SPDYE10: variants seen among roughly 807,000 people sequenced by gnomAD.
SPDYE10 encodes speedy protein E10.
At chr7:73,126,506 CAAAAAA>C in the SPDYE10 span, among the ~76,000 whole-genome samples, 2 of 47,912 alleles carry the variant, frequency 4.2e-5, no homozygotes, top group African/African-American at 1.9e-4. Context: ...GACTCCATCT[CAAAAAA>C]AAAAAAAAAA....
the SPDYE10 span, among the ~76,000 whole-genome samples, chr7:73,145,431 T>C: frequency 6.9e-6 from 1 of 143,924 alleles, no homozygotes; most frequent in Non-Finnish European, 1.5e-5. Context: ...AAAAAAATGT[T>C]TTAAGACAGG....
At chr7:73,145,096 C>T in the SPDYE10 span, among the ~76,000 whole-genome samples, 1 of 139,714 alleles carries the variant, frequency 7.2e-6, no homozygotes, top group Admixed American at 7.0e-5. Context: ...TTCTTTCTTT[C>T]TTTCTTTCCT....
the SPDYE10 span, among the ~76,000 whole-genome samples, chr7:73,123,428 A>G: frequency 6.6e-6 from 1 of 152,180 alleles, no homozygotes; most frequent in African/African-American, 2.4e-5. Flanking sequence ...CCACACTGGT[A>G]ACTGGTAACT....
the SPDYE10 span, among the ~76,000 whole-genome samples, chr7:73,145,101 TTTCC>T: frequency 7.0e-6 from 1 of 142,826 alleles, no homozygotes; most frequent in Non-Finnish European, 1.5e-5. Context: ...TCTTTCTTTC[TTTCC>T]TCTTTCTTTC....
At chr7:73,147,878 C>T in the SPDYE10 span, among the ~76,000 whole-genome samples, 2 of 151,268 alleles carry the variant, frequency 1.3e-5, no homozygotes, top group Admixed American at 6.6e-5. Flanking sequence ...ATGATCTTGG[C>T]TCACTGCCAC....
chr7:73,154,468 C>A, the SPDYE10 span, among the ~76,000 whole-genome samples: 1 of 148,770 alleles, frequency 6.7e-6, no homozygotes, highest in Non-Finnish European at 1.5e-5. Context: ...TCCCCTCCCC[C>A]GGGTCACCCC....
the SPDYE10 span, among the ~76,000 whole-genome samples, chr7:73,138,242 A>G: frequency 1.3e-5 from 2 of 151,036 alleles, no homozygotes; most frequent in South Asian, 4.2e-4. Flanking sequence ...AGCAACTGGT[A>G]TAAGGGAAGT....
chr7:73,152,216 T>C, the SPDYE10 span, among the ~76,000 whole-genome samples: 1 of 138,040 alleles, frequency 7.2e-6, no homozygotes, highest in Non-Finnish European at 1.6e-5. Context: ...GGTTTCACCA[T>C]GCTGGCCAGG....
At chr7:73,151,799 T>G in the SPDYE10 span, among the ~76,000 whole-genome samples, 1 of 87,354 alleles carries the variant, frequency 1.1e-5, no homozygotes, top group Non-Finnish European at 2.1e-5. Context: ...ATTACAGGCA[T>G]CAGCCACTGT....
chr7:73,123,765 T>TCTC, the SPDYE10 span, among the ~76,000 whole-genome samples: 5 of 82,300 alleles, frequency 6.1e-5, no homozygotes, highest in Admixed American at 1.2e-4. Flanking sequence ...GCCATTTCCT[T>TCTC]TCTCTCTCTC....
chr7:73,114,195 G>GA, the SPDYE10 span, among the ~76,000 whole-genome samples: 6 of 119,396 alleles, frequency 5.0e-5, no homozygotes, highest in Admixed American at 1.9e-4. Context: ...TGTCTCAAAA[G>GA]AAAGAAAAAG....
the SPDYE10 span, among the ~76,000 whole-genome samples, chr7:73,138,115 G>A: frequency 6.6e-6 from 1 of 152,270 alleles, no homozygotes; most frequent in African/African-American, 2.4e-5. Context: ...CCATGTGGCA[G>A]GAACTACAGG....
chr7:73,113,789 A>T, the SPDYE10 span, among the ~76,000 whole-genome samples: 3 of 151,922 alleles, frequency 2.0e-5, no homozygotes, highest in African/African-American at 7.3e-5. Context: ...TAATCCCAGC[A>T]CTTTGGGAGG....
At chr7:73,142,684 C>G in the SPDYE10 span, among the ~76,000 whole-genome samples, 1 of 152,018 alleles carries the variant, frequency 6.6e-6, no homozygotes, top group Non-Finnish European at 1.5e-5. Context: ...TGCCTGTAAT[C>G]CCAGCACTTT....
the SPDYE10 span, among the ~76,000 whole-genome samples, chr7:73,149,710 T>C: frequency 4.8e-5 from 7 of 144,482 alleles, no homozygotes; most frequent in Non-Finnish European, 9.1e-5. Flanking sequence ...ATGGTCTCGT[T>C]CACATCTTAG....
chr7:73,137,608 AAGAAAGAAAG>A, the SPDYE10 span, among the ~76,000 whole-genome samples: 89 of 133,412 alleles, frequency 6.7e-4, no homozygotes, highest in East Asian at 0.016. Context: ...GAAAGAAAGA[AAGAAAGAAAG>A]AAAGAAAGAA....
the SPDYE10 span, among the ~76,000 whole-genome samples, chr7:73,128,015 G>A: frequency 5.6e-5 from 8 of 143,322 alleles, no homozygotes; most frequent in Non-Finnish European, 9.1e-5. Context: ...TTACAGGAAT[G>A]TTTATTGCAA....
At chr7:73,142,796 G>T in the SPDYE10 span, among the ~76,000 whole-genome samples, 1 of 152,042 alleles carries the variant, frequency 6.6e-6, no homozygotes, top group Non-Finnish European at 1.5e-5. Flanking sequence ...AGCCGGGTGT[G>T]GTGGTGGGCG....
the SPDYE10 span, among the ~76,000 whole-genome samples, chr7:73,153,434 G>A: frequency 2.4e-4 from 2 of 8,414 alleles, no homozygotes; most frequent in African/African-American, 8.9e-4. Context: ...GCAACATTGC[G>A]AAAAATACAA....
Sources: gnomAD v4.1 joint callset for allele counts (sites outside exome capture counted in the v4.1 genomes callset) on GRCh38, gnomAD v4.1.1 for gene constraint, MANE v1.5 for transcripts, NCBI Gene and HGNC (gene_info 2026-07-23, HGNC 2026-07-21) for gene names.